Variants in DNMT3A observed in about 807,000 individuals in gnomAD.
DNMT3A encodes DNA methyltransferase 3 alpha.
DNMT3A carries 267 observed loss-of-function variants against 117.6 expected under a neutral mutation model. That is an observed-to-expected ratio of 2.27 (90% confidence interval 2.05 to 2.51). The LOEUF (loss-of-function observed/expected upper bound fraction) is 2.51, where lower values mean the gene tolerates loss of function less well. DNMT3A is among the 30% of genes most tolerant of loss of function. DNMT3A has a pLI of 0.00. For synonymous variants in DNMT3A, 432 were observed against 474.8 expected (o/e 0.91, Z 1.17); for missense variants, 1,029 against 1,260.2 (o/e 0.82, Z 2.78).
Position 25,239,118 on chromosome 2 carries a change from G to C in DNMT3A, c.2408+12C>G. The C allele has an allele frequency of 6.2e-7, 1 of 1,613,528 alleles. No individual in the cohort carries two copies. The highest frequency in any genetic ancestry group is 8.5e-7 in the Non-Finnish European group (1 of 1,179,616). On this transcript the variant is annotated intron_variant, in intron 20 of 22. Transcript: ENST00000321117. Reference sequence around the variant, plus strand: ...AGCCCACAGCCCCCCAGGCCCAGGAGCTTTCACCAACCTGTTCATACCGGG... The same window carrying C: ...AGCCCACAGCCCCCCAGGCCCAGGACCTTTCACCAACCTGTTCATACCGGG...
rs2149279898 is a variant in DNMT3A, at chr2:25,242,022, T to C, written c.1937-315A>G. ...TTTTTGGGGGCCTTTTCTTTGTTGT[T>C]GTCCGTCTACAACTTGGTCCTTCCA... is the stretch of plus-strand genomic sequence containing the variant. On this transcript the variant is annotated intron_variant, in intron 16 of 22. Coordinates refer to ENST00000321117, the MANE Select transcript of DNMT3A (RefSeq NM_022552.5). 3 of 378,752 alleles carry C rather than the reference T, an allele frequency of 7.9e-6. No individual in the cohort carries two copies. In the South Asian group the frequency reaches 9.7e-5, roughly 12 times the overall value. The allele number at this position is 378,752 out of a possible 1,614,324, so 23.5% of individuals were successfully genotyped here.
chr2:25,230,760 A>G lies in DNMT3A; in HGVS notation c.*3519T>C, dbSNP rs1204078231. On this transcript the variant is annotated 3_prime_UTR_variant, in exon 23 of 23. Transcript: ENST00000321117. The stretch of plus-strand genomic sequence containing the variant: ...AGCACACAGGCTGGGCCGGAAGAAA[A>G]GCTGGTGATTGTTAACTCTCGTCCC... The G allele has an allele frequency of 8.4e-6, 1 of 119,370 alleles. No homozygotes were observed. The highest frequency in any genetic ancestry group is 3.2e-5 in the African/African-American group (1 of 31,112). The allele number at this position is 119,370 out of a possible 1,614,324, so 7.4% of individuals were successfully genotyped here. A position where few individuals can be genotyped will look rare whatever the true frequency, so the allele number is the denominator to read the frequency against.
At chr2:25,321,156 T>C (rs2034582211) in intron 1 of DNMT3A, among the ~76,000 whole-genome samples, 1 of 151,898 alleles carries the variant, frequency 6.6e-6, no homozygotes, top group African/African-American at 2.4e-5. Context: ...TATCTTGCAA[T>C]TCTGCAAGTC....
intron 1 of DNMT3A, among the ~76,000 whole-genome samples, chr2:25,340,899 C>T (rs1156849919): frequency 6.9e-6 from 1 of 145,666 alleles, no homozygotes; most frequent in Non-Finnish European, 1.5e-5. Context: ...GCCCCCGCCC[C>T]GCCCCCACAT....
In DNMT3A at chr2:25,247,539, G is replaced by A. The variant is rs1674956898; in HGVS notation, c.1014+52C>T. 6.3e-7 allele frequency: 1 copy of A among 1,594,444 alleles called. No homozygotes were observed. Among genetic ancestry groups the A allele is most frequent in the Non-Finnish European group, 8.6e-7 (1 of 1,168,272 alleles). ...GCCCCCAGCCAAAACCACAGGCCCT[G>A]GGATCAAGAACCTTCCCCCACCCCA... is the stretch of plus-strand genomic sequence containing the variant. On this transcript the variant is annotated intron_variant, in intron 8 of 22. Coordinates refer to ENST00000321117, the MANE Select transcript of DNMT3A (RefSeq NM_022552.5). This position sits in a 1 kb window ranked among gnomAD's most constrained non-coding sequence, Gnocchi z 5.6.
intron 1 of DNMT3A, among the ~76,000 whole-genome samples, chr2:25,317,071 G>A (rs1220297877): frequency 6.6e-6 from 1 of 152,130 alleles, no homozygotes. Context: ...TTGTTTGTTT[G>A]TTTAGAGCAG....
At chr2:25,265,026 A>G (rs2030167244) in intron 6 of DNMT3A, among the ~76,000 whole-genome samples, 1 of 152,212 alleles carries the variant, frequency 6.6e-6, no homozygotes, top group African/African-American at 2.4e-5. Flanking sequence ...CCTCACATCC[A>G]TAGCTAAGGA....
chr2:25,245,333 C>T lies in DNMT3A; in HGVS notation c.1475-1G>A. The T allele has an allele frequency of 1.9e-6, 3 of 1,613,704 alleles. No homozygotes were observed. Among genetic ancestry groups the T allele is most frequent in the Non-Finnish European group, 2.5e-6 (3 of 1,179,888 alleles). On this transcript the variant is annotated splice_acceptor_variant, in intron 12 of 22. Transcript: ENST00000321117. LOFTEE classifies it high-confidence loss of function. ...AGGCTCCCACAGGAGATGCAGATGT[C>T]TGGAAAGCAGAGGGAGGGGATGGGG...
At chr2:25,338,573 T>A (rs898726330) in intron 1 of DNMT3A, among the ~76,000 whole-genome samples, 1 of 152,120 alleles carries the variant, frequency 6.6e-6, no homozygotes, top group African/African-American at 2.4e-5. Context: ...GGGAGAGGAC[T>A]GGAGGGCAGT....
chr2:25,300,632 A>T lies in DNMT3A; in HGVS notation c.73-389T>A, dbSNP rs1254062609. On this transcript the variant is annotated intron_variant, in intron 2 of 22. Transcript: ENST00000321117. Reference sequence around the variant, plus strand: ...AAATAATATATTATTTAGATATCTAAATAATATATTATTTAGATATCTAAA... The same window carrying T: ...AAATAATATATTATTTAGATATCTATATAATATATTATTTAGATATCTAAA... Among the ~76,000 whole-genome samples the T allele has an allele frequency of 3.8e-4, 33 of 87,604 alleles. 1 individual carries two copies. The South Asian group carries it at 0.01, about 27-fold the overall frequency. The allele number at this position is 87,604 out of a possible 152,430, so 57.5% of individuals were successfully genotyped here.
chr2:25,303,640 C>T (rs1240078062), intron 2 of DNMT3A, among the ~76,000 whole-genome samples: 1 of 152,246 alleles, frequency 6.6e-6, no homozygotes, highest in Non-Finnish European at 1.5e-5. Context: ...TGCTTGGAGT[C>T]TCCACGAGAG....
At chr2:25,270,320 C>T (rs1035162232) in intron 6 of DNMT3A, among the ~76,000 whole-genome samples, 1 of 152,180 alleles carries the variant, frequency 6.6e-6, no homozygotes. Flanking sequence ...TCGTCTACGC[C>T]CCATTCAGGG....
intron 13 of DNMT3A, among the ~76,000 whole-genome samples, chr2:25,244,918 TG>T (rs938805131): frequency 6.6e-6 from 1 of 152,188 alleles, no homozygotes; most frequent in Non-Finnish European, 1.5e-5. Flanking sequence ...CCTGCAGCCC[TG>T]GGTTTTTCTC....
chr2:25,314,119 G>C lies in DNMT3A; in HGVS notation c.-135C>G, dbSNP rs967285421. 3 of 1,428,524 alleles carry C rather than the reference G, an allele frequency of 2.1e-6. No homozygotes were observed. Among genetic ancestry groups the C allele is most frequent in the African/African-American group, 1.4e-5 (1 of 69,204 alleles). 88.5% of individuals were successfully genotyped at this position (1,428,524 alleles called of 1,614,324 possible). Reference sequence around the variant, plus strand: ...CCCGGTGTTGAGCCCTCTGGTGAACGGTGCCTCTGTCAGCCTGTGGGTGGG... The same window carrying C: ...CCCGGTGTTGAGCCCTCTGGTGAACCGTGCCTCTGTCAGCCTGTGGGTGGG... On this transcript the variant is annotated 5_prime_UTR_variant, in exon 2 of 23. Transcript: ENST00000321117.
At chr2:25,313,032 T>C (rs1453061835) in intron 2 of DNMT3A, among the ~76,000 whole-genome samples, 1 of 152,196 alleles carries the variant, frequency 6.6e-6, no homozygotes, top group Non-Finnish European at 1.5e-5. Flanking sequence ...GGAAGGCCTA[T>C]GGCCATCATA....
intron 19 of DNMT3A, among the ~76,000 whole-genome samples, 157 bp downstream of exon 19, chr2:25,240,145 C>T (rs891283888): frequency 6.6e-6 from 1 of 152,206 alleles, no homozygotes; most frequent in South Asian, 2.1e-4. Context: ...CCTGCTTCCT[C>T]CCTTTCTATC....
At chr2:25,325,249 G>A (rs2034742080) in intron 1 of DNMT3A, among the ~76,000 whole-genome samples, 1 of 152,188 alleles carries the variant, frequency 6.6e-6, no homozygotes, top group Non-Finnish European at 1.5e-5. Flanking sequence ...ATTTCCAAGT[G>A]CTGCAAGCCA....
chr2:25,338,823 T>C (rs986405499), intron 1 of DNMT3A, among the ~76,000 whole-genome samples: 1 of 152,192 alleles, frequency 6.6e-6, no homozygotes, highest in African/African-American at 2.4e-5. Context: ...TCCTAGCTTT[T>C]TGAGAACCAC....
At chr2:25,275,370 C>T (rs1183532525) in intron 5 of DNMT3A, 130 bp downstream of exon 5, 5 of 1,363,980 alleles carry the variant, frequency 3.7e-6, no homozygotes, top group African/African-American at 3.0e-5. Context: ...CGCCCACTTC[C>T]TCTCCTTCCC....
Sources: allele counts gnomAD v4.1 joint callset (sites outside exome capture counted in the v4.1 genomes callset), GRCh38; gene constraint gnomAD v4.1.1; non-coding constraint Gnocchi (gnomAD v3.1); transcripts MANE v1.5; gene names NCBI Gene and HGNC (gene_info 2026-07-23, HGNC 2026-07-21).